The following TTC34 variants were observed in gnomAD, a reference collection of about 807,000 sequenced individuals.
The protein encoded by TTC34 is tetratricopeptide repeat domain 34, also known as tetratricopeptide repeat protein 34.
TTC34 carries 44 observed loss-of-function variants against 40.7 expected under a neutral mutation model. The observed-to-expected ratio is 1.08, with a 90% CI of 0.85 to 1.39. The LOEUF (loss-of-function observed/expected upper bound fraction) is 1.39, where lower values mean the gene tolerates loss of function less well. Among genes scored for constraint, TTC34 ranks in the 40% most tolerant of loss-of-function variants. TTC34 has a pLI of 0.00. For missense variants in TTC34, 884 were observed against 838.0 expected (o/e 1.05, Z -0.68); for synonymous variants, 422 against 398.6 (o/e 1.06, Z -0.70).
At chr1:2,755,765 C>A (rs1481747730) in intron 6 of TTC34, among the ~76,000 whole-genome samples, 2 of 129,772 alleles carry the variant, frequency 1.5e-5, no homozygotes, top group African/African-American at 3.1e-5. Flanking sequence ...CATCTGACAG[C>A]CTGGAACGGC....
chr1:2,691,689 C>T (rs28729890), intron 6 of TTC34, among the ~76,000 whole-genome samples: 1 of 57,196 alleles, frequency 1.7e-5, no homozygotes, highest in African/African-American at 5.9e-5. Context: ...TGACGGCCTG[C>T]AACAGCACCC....
rs199672037 is a variant in TTC34, at chr1:2,685,879, C to A, written c.2227-40316G>T. On this transcript the variant is annotated intron_variant, in intron 6 of 8. Transcript: ENST00000401095. Reference sequence around the variant, plus strand: ...TGACAGCCTGGAACAGCACCCTGCACCCCCAGGTGAGCATCTGACAGCCTG... The same window carrying A: ...TGACAGCCTGGAACAGCACCCTGCAACCCCAGGTGAGCATCTGACAGCCTG... Among the ~76,000 whole-genome samples, 515 of 96,860 alleles carry A rather than the reference C, an allele frequency of 5.3e-3. 1 individual carries two copies. Among genetic ancestry groups the A allele is most frequent in the African/African-American group, 0.024 (489 of 20,192 alleles). 63.5% of individuals were successfully genotyped at this position (96,860 alleles called of 152,430 possible). A position where few individuals can be genotyped will look rare whatever the true frequency, so the allele number is the denominator to read the frequency against.
rs1254862270 is a variant in TTC34 at position 2,768,454 on chromosome 1, C to T, written c.2226+15155G>A. On this transcript the variant is annotated intron_variant, in intron 6 of 8. Transcript: ENST00000401095. ...CATCTGACAGCCTGGAACAGAACCCCACAACTTCAAATAAGAATTTGATAA... is the reference window on the plus strand; with the variant it reads ...CATCTGACAGCCTGGAACAGAACCCTACAACTTCAAATAAGAATTTGATAA... Among the ~76,000 whole-genome samples, 7 of 151,152 alleles carry T rather than the reference C, an allele frequency of 4.6e-5. No homozygotes were observed. The South Asian group carries it at 1.5e-3, about 32-fold the overall frequency.
rs561841327 is a variant in TTC34, at chr1:2,800,817, G to A, written c.11C>T (p.Ala4Val). 10 of 398,734 alleles carry A rather than the reference G, an allele frequency of 2.5e-5. No individual in the cohort carries two copies. The South Asian group carries it at 5.1e-4, about 20-fold the overall frequency. The allele number at this position is 398,734 out of a possible 1,614,324, so 24.7% of individuals were successfully genotyped here. A position where few individuals can be genotyped will look rare whatever the true frequency, so the allele number is the denominator to read the frequency against. Residue 4 changes from alanine (A) to valine (V), a missense_variant, in exon 2 of 9, where the codon GCC (alanine) becomes GTC (valine). Transcript: ENST00000401095. ...GCAGAGGCAGGCCACGAGCTCCTGGGCTGACATCATGTCTGGGACCCCGAC... is the reference window on the plus strand; with the variant it reads ...GCAGAGGCAGGCCACGAGCTCCTGGACTGACATCATGTCTGGGACCCCGAC...
Position 2,796,829 on chromosome 1 carries a change from C to CA in TTC34, c.784+3214dup, listed in dbSNP as rs137919479. 0.1 allele frequency among the ~76,000 whole-genome samples: 15,813 copies of CA among 152,136 alleles called. 1,140 individuals are homozygous for CA. Among genetic ancestry groups the CA allele is most frequent in the Non-Finnish European group, 0.15 (10,303 of 67,964 alleles). On this transcript the variant is annotated intron_variant, in intron 2 of 8. Transcript: ENST00000401095. The surrounding 1 kb of genome is among the most constrained non-coding windows in gnomAD (Gnocchi z 4.5). ...ACATATTTGAGCATATTTCCAGAAA[C>CA]AAATTTTCCTGCTCACTTTGCAGCT...
At chr1:2,652,065 C>A (rs55738582) in intron 6 of TTC34, among the ~76,000 whole-genome samples, 9 of 32,248 alleles carry the variant, frequency 2.8e-4, no homozygotes, top group Non-Finnish European at 4.1e-4. Flanking sequence ...CATCTGACAG[C>A]CTGGAGGAGC....
chr1:2,650,829 C>T (rs997321483), intron 6 of TTC34, among the ~76,000 whole-genome samples: 2 of 150,912 alleles, frequency 1.3e-5, no homozygotes, highest in African/African-American at 2.4e-5. Context: ...ACTTGACACC[C>T]CCAGGTGAGC....
chr1:2,785,421 G>A (rs1245008816), intron 5 of TTC34, among the ~76,000 whole-genome samples: 1 of 152,160 alleles, frequency 6.6e-6, no homozygotes, highest in African/African-American at 2.4e-5. Context: ...GGTGTCCCAG[G>A]GTGGGGAGGC....
chr1:2,700,372 AC>A (rs1641076012), intron 6 of TTC34, among the ~76,000 whole-genome samples: 1 of 65,980 alleles, frequency 1.5e-5, no homozygotes, highest in Non-Finnish European at 3.6e-5. Context: ...AGCGCCCACA[AC>A]CCCAGGTGAG....
At chr1:2,681,422 T>C (rs1176605021) in intron 6 of TTC34, among the ~76,000 whole-genome samples, 9 of 90,720 alleles carry the variant, frequency 9.9e-5, no homozygotes, top group Non-Finnish European at 1.5e-4. Flanking sequence ...ACAGCACCCA[T>C]ACGCCCAGAT....
At chr1:2,752,210 C>G (rs71249977) in intron 6 of TTC34, among the ~76,000 whole-genome samples, 1 of 114,324 alleles carries the variant, frequency 8.7e-6, no homozygotes, top group African/African-American at 4.0e-5. Context: ...GAACCCACAC[C>G]CCCAGGTGAG....
chr1:2,758,452 T>A (rs1289640885), intron 6 of TTC34, among the ~76,000 whole-genome samples: 1 of 83,188 alleles, frequency 1.2e-5, no homozygotes, highest in Non-Finnish European at 2.2e-5. Context: ...GGTGCGCACA[T>A]GACAGCCTGG....
intron 6 of TTC34, among the ~76,000 whole-genome samples, chr1:2,652,514 AGCACCCACACC>A (rs1639181133): frequency 3.2e-5 from 1 of 31,570 alleles, no homozygotes; most frequent in Non-Finnish European, 6.5e-5. Flanking sequence ...GGCCTGCAAC[AGCACCCACACC>A]TCCAGGCGAG....
chr1:2,641,954 G>A (rs1415146915), intron 8 of TTC34, 59 bp from the exon 9 acceptor site: 25 of 1,425,424 alleles, frequency 1.8e-5, no homozygotes, highest in African/African-American at 5.8e-5. Context: ...AAGCCCGGCC[G>A]CCCCTGCCCT....
chr1:2,759,657 C>A (rs1641627274), intron 6 of TTC34, among the ~76,000 whole-genome samples: 2 of 150,974 alleles, frequency 1.3e-5, no homozygotes, highest in East Asian at 1.9e-4. Context: ...GAGCATTCGA[C>A]AGCCTGGAGC....
intron 6 of TTC34, among the ~76,000 whole-genome samples, chr1:2,652,947 G>T (rs879248910): frequency 4.5e-4 from 66 of 146,692 alleles, no homozygotes; most frequent in Admixed American, 8.8e-4. Flanking sequence ...GCATCTGACA[G>T]CCTGGAGCAG....
At chr1:2,783,849 G>C in intron 5 of TTC34, 74 bp from the exon 6 acceptor site, 1 of 1,328,876 alleles carries the variant, frequency 7.5e-7, no homozygotes, top group Non-Finnish European at 9.8e-7. Context: ...TGCCCAGCCC[G>C]GGGAGGGCAG....
chr1:2,690,112 T>C (rs1311206675), intron 6 of TTC34, among the ~76,000 whole-genome samples: 3 of 144,692 alleles, frequency 2.1e-5, no homozygotes, highest in South Asian at 2.2e-4. Context: ...CAGGTGAGTA[T>C]CTGACTGCCT....
intron 6 of TTC34, among the ~76,000 whole-genome samples, chr1:2,681,661 A>G (rs1265661591): frequency 1.3e-5 from 1 of 76,108 alleles, no homozygotes; most frequent in Non-Finnish European, 3.1e-5. Context: ...AGCAGCATCC[A>G]CACCCCCAGG....
Sources: allele counts gnomAD v4.1 joint callset (sites outside exome capture counted in the v4.1 genomes callset), GRCh38; gene constraint gnomAD v4.1.1; non-coding constraint Gnocchi (gnomAD v3.1); transcripts MANE v1.5; gene names NCBI Gene and HGNC (gene_info 2026-07-23, HGNC 2026-07-21).